The following TXNL4A variants were observed in gnomAD, a reference collection of about 807,000 sequenced individuals.
The protein encoded by TXNL4A is thioredoxin-like protein 4A.
Under a neutral mutation model 14.6 loss-of-function variants are expected in TXNL4A, and 17 were observed. That is an observed-to-expected ratio of 1.16 (90% confidence interval 0.80 to 1.74). The LOEUF is 1.74. Ranked by LOEUF, TXNL4A falls within the 40% of genes most tolerant of loss-of-function variation. The probability of loss-of-function intolerance (pLI) is 0.00; values close to 1 mark genes in which losing one functional copy is unlikely to be tolerated. For missense variants in TXNL4A, 74 were observed against 195.2 expected, an observed-to-expected ratio of 0.38 and a Z score of 3.70; for synonymous variants, 83 against 70.6, an observed-to-expected ratio of 1.18 and a Z score of -0.88.
Position 79,973,392 on chromosome 18 carries a change from C to T in TXNL4A, c.*293G>A. 1 of 304,398 alleles carries T rather than the reference C, an allele frequency of 3.3e-6. No individual in the cohort carries two copies. 18.9% of individuals were successfully genotyped at this position (304,398 alleles called of 1,614,324 possible). A position where few individuals can be genotyped will look rare whatever the true frequency, so the allele number is the denominator to read the frequency against. The stretch of plus-strand genomic sequence containing the variant: ...AGCCCCAGCAAACCAACCCAGTATG[C>T]AAAACGCACAGGCTCACAGGATAAA... On this transcript the variant is annotated 3_prime_UTR_variant, in exon 3 of 3. Coordinates refer to ENST00000269601, the MANE Select transcript of TXNL4A (RefSeq NM_006701.5).
chr18:79,988,880 C>T (rs1475428959), upstream of TXNL4A, among the ~76,000 whole-genome samples: 1 of 152,234 alleles, frequency 6.6e-6, no homozygotes, highest in Middle Eastern at 3.2e-3. Context: ...TCCAGAAAGG[C>T]CCGGAATGCC....
chr18:80,029,076 G>C (rs901298724), intron 1 of TXNL4A, among the ~76,000 whole-genome samples: 28 of 152,194 alleles, frequency 1.8e-4, no homozygotes, highest in African/African-American at 6.3e-4. Context: ...TCCTGCAAAA[G>C]AGAAATCTAC....
At chr18:80,009,794 A>G (rs2051757981) in intron 1 of TXNL4A, among the ~76,000 whole-genome samples, 2 of 152,128 alleles carry the variant, frequency 1.3e-5, no homozygotes, top group South Asian at 4.1e-4. Flanking sequence ...CTGGCTGTCC[A>G]CTTGCATGGT....
intron 1 of TXNL4A, chr18:79,986,673 G>C: frequency 1.0e-6 from 1 of 985,432 alleles, no homozygotes; most frequent in Non-Finnish European, 1.2e-6. Flanking sequence ...TGAGACAAAG[G>C]CCCTCACATC....
chr18:79,973,322 A>C lies in TXNL4A; in HGVS notation c.*363T>G. The stretch of plus-strand genomic sequence containing the variant: ...CCCCCGCCTGCAAAGCTGTGAGAGC[A>C]CACATCTCTGTTAAAGCCCAGCTCG... On this transcript the variant is annotated 3_prime_UTR_variant, in exon 3 of 3. Coordinates refer to ENST00000269601, the MANE Select transcript of TXNL4A (RefSeq NM_006701.5). The C allele has an allele frequency of 5.5e-6, 1 of 181,080 alleles. No individual in the cohort carries two copies. The highest frequency in any genetic ancestry group is 1.1e-5 in the Non-Finnish European group (1 of 87,054). The allele number at this position is 181,080 out of a possible 1,614,324, so 11.2% of individuals were successfully genotyped here. A position where few individuals can be genotyped will look rare whatever the true frequency, so the allele number is the denominator to read the frequency against.
intron 1 of TXNL4A, among the ~76,000 whole-genome samples, chr18:80,009,491 G>C (rs1218085554): frequency 6.6e-6 from 1 of 152,148 alleles, no homozygotes; most frequent in Non-Finnish European, 1.5e-5. Flanking sequence ...ACACCAACAG[G>C]GCTGTTACCA....
At position 79,988,401 on chromosome 18, in the gene TXNL4A, G is replaced by C. The variant is rs748072356; in HGVS notation, c.-9C>G. The C allele has an allele frequency of 6.9e-7, 1 of 1,443,186 alleles. No homozygotes were observed. Among genetic ancestry groups the C allele is most frequent in the Non-Finnish European group, 9.3e-7 (1 of 1,078,556 alleles). The allele number at this position is 1,443,186 out of a possible 1,614,324, so 89.4% of individuals were successfully genotyped here. ...GGGAGCATGTACGACATGGCGGCCCGCGCGCTCGCCGCCGCCCAAGGCGGG... is the reference window on the plus strand; with the variant it reads ...GGGAGCATGTACGACATGGCGGCCCCCGCGCTCGCCGCCGCCCAAGGCGGG... On this transcript the variant is annotated 5_prime_UTR_variant, in exon 1 of 3. Coordinates refer to ENST00000269601, the MANE Select transcript of TXNL4A (RefSeq NM_006701.5).
intron 1 of TXNL4A, among the ~76,000 whole-genome samples, chr18:79,997,815 G>T (rs966376442): frequency 2.0e-5 from 3 of 152,104 alleles, no homozygotes; most frequent in Non-Finnish European, 2.9e-5. Context: ...GCCACCAAAG[G>T]ACACAAAGTG....
intron 1 of TXNL4A, 140 bp downstream of exon 1, chr18:79,988,100 G>A (rs2145088904): frequency 9.4e-7 from 1 of 1,059,448 alleles, no homozygotes; most frequent in Non-Finnish European, 1.2e-6. Flanking sequence ...CGACCGCAGC[G>A]AGGGGAGGAA....
intron 1 of TXNL4A, among the ~76,000 whole-genome samples, chr18:79,994,344 G>A (rs561041643): frequency 6.6e-4 from 100 of 152,292 alleles, no homozygotes; most frequent in Non-Finnish European, 1.2e-3. Flanking sequence ...GTAGCCAGCG[G>A]GGGGAAAGAT....
upstream of TXNL4A, chr18:79,988,596 C>T (rs2051596286): frequency 6.9e-6 from 3 of 434,926 alleles, no homozygotes; most frequent in Non-Finnish European, 1.1e-5. Flanking sequence ...TGCGTGCTGA[C>T]GGCATGCGCG....
intron 1 of TXNL4A, among the ~76,000 whole-genome samples, chr18:79,999,457 A>G (rs1470688530): frequency 1.4e-5 from 2 of 146,490 alleles, no homozygotes; most frequent in Non-Finnish European, 3.0e-5. Context: ...AATTGCTTGA[A>G]CCCGGGAGGT....
chr18:80,032,301 C>A (rs2051926907), intron 1 of TXNL4A, among the ~76,000 whole-genome samples: 5 of 151,936 alleles, frequency 3.3e-5, no homozygotes, highest in Admixed American at 3.3e-4. Context: ...AGGCCAGGAA[C>A]CCACATTCCT....
chr18:79,996,292 G>A (rs997120102), intron 1 of TXNL4A, among the ~76,000 whole-genome samples: 2 of 152,062 alleles, frequency 1.3e-5, no homozygotes, highest in African/African-American at 4.8e-5. Flanking sequence ...TAAACCAGGA[G>A]CTTACAACTG....
At chr18:80,006,819 G>C (rs2051734429) in intron 1 of TXNL4A, among the ~76,000 whole-genome samples, 1 of 152,182 alleles carries the variant, frequency 6.6e-6, no homozygotes, top group South Asian at 2.1e-4. Context: ...GATTTACATA[G>C]GGCACAGAGG....
At chr18:79,978,830 A>G (rs1359711517) in intron 1 of TXNL4A, among the ~76,000 whole-genome samples, 1 of 150,956 alleles carries the variant, frequency 6.6e-6, no homozygotes, top group Non-Finnish European at 1.5e-5. Flanking sequence ...TCTTATAGAT[A>G]TATATTTTTT....
At position 79,977,633 on chromosome 18, in the gene TXNL4A, C is replaced by T. The variant is rs2051398794; in HGVS notation, c.222G>A (p.Glu74=). The T allele has an allele frequency of 6.2e-7, 1 of 1,611,466 alleles. No homozygotes were observed. The highest frequency in any genetic ancestry group is 2.2e-5 in the East Asian group (1 of 44,838). The part of the protein sequence containing the change: ...TEVPDFNKMY[E]LYDPCTVMFF... Reference sequence around the variant, plus strand: ...ACATGACAGTACATGGATCGTATAACTCATACATTTTGTTGAAGTCAGGCA... The same window carrying T: ...ACATGACAGTACATGGATCGTATAATTCATACATTTTGTTGAAGTCAGGCA... Residue 74 remains glutamate (E), a synonymous_variant, in exon 2 of 3, where the codon GAG becomes GAA. Transcript: ENST00000269601.
chr18:79,971,811 C>G lies in TXNL4A; in HGVS notation c.*1874G>C, dbSNP rs1301682723. 6.6e-6 allele frequency: 1 copy of G among 152,162 alleles called. No homozygotes were observed. The highest frequency in any genetic ancestry group is 2.4e-5 in the African/African-American group (1 of 41,438). The allele number at this position is 152,162 out of a possible 1,614,324, so 9.4% of individuals were successfully genotyped here. Reference sequence around the variant, plus strand: ...TTTGATTTGCACCTTCCTTAACAAGCAGTGATGCTGAGTGTCTCTTCGTGT... The same window carrying G: ...TTTGATTTGCACCTTCCTTAACAAGGAGTGATGCTGAGTGTCTCTTCGTGT... On this transcript the variant is annotated 3_prime_UTR_variant, in exon 3 of 3. Transcript: ENST00000269601.
At chr18:80,014,063 A>C (rs549774861) in intron 1 of TXNL4A, among the ~76,000 whole-genome samples, 1 of 152,198 alleles carries the variant, frequency 6.6e-6, no homozygotes, top group East Asian at 1.9e-4. Flanking sequence ...ACCAGCCCCC[A>C]TGATTCAATT....
Sources: gnomAD v4.1 joint callset for allele counts (sites outside exome capture counted in the v4.1 genomes callset) on GRCh38, gnomAD v4.1.1 for gene constraint, MANE v1.5 for transcripts, NCBI Gene and HGNC (gene_info 2026-07-23, HGNC 2026-07-21) for gene names.